Variants in RDH10 observed in about 807,000 individuals in gnomAD.
RDH10 encodes the protein retinol dehydrogenase 10, also known as retinol dehydrogenase 10 (all-trans).
Under a neutral mutation model 30.2 loss-of-function variants are expected in RDH10, and 12 were observed. That is an observed-to-expected ratio of 0.40 (90% CI 0.25 to 0.64). The LOEUF (loss-of-function observed/expected upper bound fraction) is 0.64. RDH10 is among the 30% of genes least tolerant of loss of function. The pLI is 0.43. For synonymous variants in RDH10, 189 were observed against 172.2 expected (o/e 1.10, Z -0.76); for missense variants, 268 against 445.2 (o/e 0.60, Z 3.58).
intron 2 of RDH10, among the ~76,000 whole-genome samples, chr8:73,308,791 G>A (rs1814506944): frequency 6.6e-6 from 1 of 152,140 alleles, no homozygotes; most frequent in African/African-American, 2.4e-5. Context: ...AGGGGTAGGA[G>A]GCACTGGGAA....
intron 2 of RDH10, 33 bp downstream of exon 2, chr8:73,297,462 G>T (rs749978852): frequency 8.1e-6 from 12 of 1,485,296 alleles, no homozygotes; most frequent in African/African-American, 5.5e-5. Flanking sequence ...TCTTTGCTGG[G>T]CCCTCCTTAA....
At chr8:73,297,169 T>C (rs1484188916) in intron 1 of RDH10, 25 bp from the exon 2 acceptor site, 1 of 1,371,406 alleles carries the variant, frequency 7.3e-7, no homozygotes, top group South Asian at 1.2e-5. Context: ...GCATGTTTTC[T>C]CCTCATCTGG....
chr8:73,294,986 G>A lies in RDH10; in HGVS notation c.-304G>A, dbSNP rs1814228575. The stretch of plus-strand genomic sequence containing the variant: ...TCGCGGCTGTCACCGCCACTGCAGC[G>A]GAGCCGGCCGGCCGGGCGCTGCGGG... On this transcript the variant is annotated 5_prime_UTR_variant, in exon 1 of 6. Transcript: ENST00000240285. 3 of 386,254 alleles carry A rather than the reference G, an allele frequency of 7.8e-6. No individual in the cohort carries two copies. In the South Asian group the frequency reaches 3.9e-4, roughly 50 times the overall value. The allele number at this position is 386,254 out of a possible 1,614,324, so 23.9% of individuals were successfully genotyped here.
At chr8:73,319,250 C>A in intron 3 of RDH10, 56 bp downstream of exon 3, 1 of 1,233,818 alleles carries the variant, frequency 8.1e-7, no homozygotes, top group Non-Finnish European at 1.2e-6. Context: ...GTGATAAGTA[C>A]ACCAGAACCT....
chr8:73,295,145 G>A lies in RDH10; in HGVS notation c.-145G>A. ...GGAGCGGCGCCGCGCACTCCAACCC[G>A]GCGGGCACCTCGGGGGCGGGCGCGG... is the stretch of plus-strand genomic sequence containing the variant. On this transcript the variant is annotated 5_prime_UTR_variant, in exon 1 of 6. Transcript: ENST00000240285. 8 of 710,790 alleles carry A rather than the reference G, an allele frequency of 1.1e-5. No individual in the cohort carries two copies. The Admixed American group carries it at 1.3e-4, about 12-fold the overall frequency. The allele number at this position is 710,790 out of a possible 1,614,324, so 44.0% of individuals were successfully genotyped here.
At chr8:73,301,395 G>T (rs959534479) in intron 2 of RDH10, among the ~76,000 whole-genome samples, 7 of 151,692 alleles carry the variant, frequency 4.6e-5, no homozygotes, top group African/African-American at 1.2e-4. Context: ...ATAATAATAG[G>T]CTTAAATATT....
chr8:73,295,780 C>T (rs557243319), intron 1 of RDH10: 1 of 989,068 alleles, frequency 1.0e-6, no homozygotes, highest in Admixed American at 4.0e-5. Context: ...AGAAGGTGCC[C>T]TGTCCTCGCG....
intron 1 of RDH10, 133 bp downstream of exon 1, chr8:73,295,711 G>A: frequency 6.0e-6 from 6 of 994,734 alleles, no homozygotes; most frequent in Non-Finnish European, 8.4e-6. Context: ...CGGTCTTTTG[G>A]GAGACGAGTG....
chr8:73,315,951 T>C (rs1814655051), intron 2 of RDH10, among the ~76,000 whole-genome samples: 1 of 152,204 alleles, frequency 6.6e-6, no homozygotes, highest in Non-Finnish European at 1.5e-5. Context: ...ACTTTTTGGC[T>C]AATCTGGGAA....
At position 73,324,746 on chromosome 8, in the gene RDH10, G is replaced by C. The variant is rs1445479585; in HGVS notation, c.*1710G>C. The C allele has an allele frequency of 1.3e-5, 2 of 152,172 alleles. No homozygotes were observed. Among genetic ancestry groups the C allele is most frequent in the Admixed American group, 6.5e-5 (1 of 15,276 alleles). The allele number at this position is 152,172 out of a possible 1,614,324, so 9.4% of individuals were successfully genotyped here. A position where few individuals can be genotyped will look rare whatever the true frequency, so the allele number is the denominator to read the frequency against. On this transcript the variant is annotated 3_prime_UTR_variant, in exon 6 of 6. Transcript: ENST00000240285. ...CCGATGTTACTGTCCCTAGATTAGA[G>C]ACTTGATTAAGGGCTTGTTTGTACC...
intron 2 of RDH10, among the ~76,000 whole-genome samples, chr8:73,315,160 C>G (rs1563550829): frequency 8.5e-6 from 1 of 118,186 alleles, no homozygotes; most frequent in Non-Finnish European, 1.8e-5. Flanking sequence ...CTCTCTCTCT[C>G]CCCCCACCGG....
In RDH10 at chr8:73,295,410, A is replaced by G. The variant is rs1415742333; in HGVS notation, c.121A>G (p.Ile41Val). Residue 41 changes from isoleucine (I) to valine (V), a missense_variant, in exon 1 of 6, where the codon ATC (isoleucine) becomes GTC (valine). Ile to Val is a conservative substitution (Grantham distance 29). Coordinates refer to ENST00000240285, the MANE Select transcript of RDH10 (RefSeq NM_172037.5). Reference protein sequence around the residue: ...EKSVAGQVCLITGAGSGLGRL... With the variant: ...EKSVAGQVCLVTGAGSGLGRL... ...GAGCGTGGCGGGCCAGGTGTGCCTC[A>G]TCACCGGCGCCGGCAGCGGCCTGGG... 6.5e-7 allele frequency: 1 copy of G among 1,549,016 alleles called. No homozygotes were observed. The highest frequency in any genetic ancestry group is 8.7e-7 in the Non-Finnish European group (1 of 1,148,382).
Position 73,297,136 on chromosome 8 carries a change from C to A in RDH10, c.290-58C>A, listed in dbSNP as rs1353839356. 15 of 1,000,504 alleles carry A rather than the reference C, an allele frequency of 1.5e-5. No homozygotes were observed. The Admixed American group carries it at 2.7e-4, about 18-fold the overall frequency. 62.0% of individuals were successfully genotyped at this position (1,000,504 alleles called of 1,614,324 possible). A position where few individuals can be genotyped will look rare whatever the true frequency, so the allele number is the denominator to read the frequency against. ...GTCCTACTGATCGCCATGTGACTCACTTTCTGCACTTCCTTCTCTTTTGCA... is the reference window on the plus strand; with the variant it reads ...GTCCTACTGATCGCCATGTGACTCAATTTCTGCACTTCCTTCTCTTTTGCA... On this transcript the variant is annotated intron_variant, in intron 1 of 5. Coordinates refer to ENST00000240285, the MANE Select transcript of RDH10 (RefSeq NM_172037.5).
chr8:73,307,678 A>G (rs1020875365), intron 2 of RDH10, among the ~76,000 whole-genome samples: 12 of 152,210 alleles, frequency 7.9e-5, no homozygotes, highest in African/African-American at 2.9e-4. Flanking sequence ...CCCTCAGCCT[A>G]GGCTTCCAGG....
At chr8:73,295,903 T>C in intron 1 of RDH10, 2 of 1,118,688 alleles carry the variant, frequency 1.8e-6, no homozygotes, top group African/African-American at 1.6e-5. Flanking sequence ...CAAAGAAATG[T>C]CTTGCTCCGA....
chr8:73,320,746 A>G (rs1814757039), intron 3 of RDH10, among the ~76,000 whole-genome samples, 186 bp from the exon 4 acceptor site: 1 of 152,194 alleles, frequency 6.6e-6, no homozygotes, highest in South Asian at 2.1e-4. Context: ...TGCTAGGATT[A>G]CAGGCATGAG....
intron 1 of RDH10, among the ~76,000 whole-genome samples, chr8:73,296,170 T>C (rs1814263183): frequency 6.6e-6 from 1 of 152,168 alleles, no homozygotes; most frequent in Non-Finnish European, 1.5e-5. Flanking sequence ...TCGTTGTAAA[T>C]TTCTTCCATG....
chr8:73,316,102 G>A (rs181557673), intron 2 of RDH10, among the ~76,000 whole-genome samples: 2 of 152,154 alleles, frequency 1.3e-5, no homozygotes, highest in East Asian at 1.9e-4. Context: ...CTGTAGCCTC[G>A]ACCTCCTGGG....
chr8:73,312,065 T>A (rs563053764), intron 2 of RDH10: 1 of 152,356 alleles, frequency 6.6e-6, no homozygotes, highest in East Asian at 1.9e-4. Context: ...GTCAGTATAC[T>A]TAATAAGTAG....
Sources: allele counts gnomAD v4.1 joint callset (sites outside exome capture counted in the v4.1 genomes callset), GRCh38; gene constraint gnomAD v4.1.1; transcripts MANE v1.5; gene names NCBI Gene and HGNC (gene_info 2026-07-23, HGNC 2026-07-21).